PKN2: variants seen among roughly 807,000 people sequenced by gnomAD.
PKN2 encodes the protein protein kinase N2, also known as serine/threonine-protein kinase N2.
A neutral mutation model predicts 119.1 loss-of-function variants in PKN2; 38 were observed. The observed-to-expected ratio is 0.32, with a 90% CI of 0.25 to 0.42. The LOEUF is 0.42. PKN2 is among the 10% of genes least tolerant of loss of function. PKN2 has a pLI of 1.00. For missense variants in PKN2, 850 were observed against 1,165.1 expected (o/e 0.73, Z 3.94); for synonymous variants, 390 against 384.9 (o/e 1.01, Z -0.15).
At chr1:88,720,757 T>G (rs1667645048) in intron 1 of PKN2, among the ~76,000 whole-genome samples, 1 of 152,292 alleles carries the variant, frequency 6.6e-6, no homozygotes, top group South Asian at 2.1e-4. Flanking sequence ...ACCCAGTGTA[T>G]GTCTTCTGTC....
chr1:88,725,800 T>C (rs1416363094), intron 1 of PKN2, among the ~76,000 whole-genome samples: 1 of 152,218 alleles, frequency 6.6e-6, no homozygotes, highest in East Asian at 1.9e-4. Context: ...AACTCTTCAC[T>C]TAACCCCAGG....
intron 1 of PKN2, among the ~76,000 whole-genome samples, chr1:88,689,117 G>A (rs1666231886): frequency 6.6e-6 from 1 of 152,152 alleles, no homozygotes; most frequent in Non-Finnish European, 1.5e-5. Context: ...AGGGTGGTTT[G>A]GGGGTTGGTG....
At chr1:88,821,567 C>T (rs1052140115) in intron 16 of PKN2, among the ~76,000 whole-genome samples, 7 of 152,156 alleles carry the variant, frequency 4.6e-5, no homozygotes, top group South Asian at 2.1e-4. Flanking sequence ...AAACATGTTA[C>T]GCCTTTTGCA....
At chr1:88,697,273 T>C (rs1468683065) in intron 1 of PKN2, among the ~76,000 whole-genome samples, 1 of 152,152 alleles carries the variant, frequency 6.6e-6, no homozygotes, top group Non-Finnish European at 1.5e-5. Context: ...AACTGACATA[T>C]AGGTTATGCT....
chr1:88,762,064 AC>A (rs968636403), intron 3 of PKN2, among the ~76,000 whole-genome samples: 2 of 152,088 alleles, frequency 1.3e-5, no homozygotes, highest in Non-Finnish European at 2.9e-5. Context: ...GGGTTTATGA[AC>A]CCTTTGAAGT....
At chr1:88,694,381 C>G (rs1666448903) in intron 1 of PKN2, among the ~76,000 whole-genome samples, 1 of 152,134 alleles carries the variant, frequency 6.6e-6, no homozygotes, top group Non-Finnish European at 1.5e-5. Context: ...AGTGTGTAGC[C>G]ATTTTACATG....
rs72953672 is a variant in PKN2, at chr1:88,740,869, T to C, written c.49-119T>C. ...GGTCTATTGCTTATTAAGGAGATAATTAAATATAGTTAAATGTAATGTAAT... is the reference window on the plus strand; with the variant it reads ...GGTCTATTGCTTATTAAGGAGATAACTAAATATAGTTAAATGTAATGTAAT... On this transcript the variant is annotated intron_variant, in intron 1 of 21. Coordinates refer to ENST00000370521, the MANE Select transcript of PKN2 (RefSeq NM_006256.4). 2,571 of 565,586 alleles carry C rather than the reference T, an allele frequency of 4.5e-3. 57 individuals are homozygous for C. The African/African-American group carries it at 0.046, about 10-fold the overall frequency. 35.0% of individuals were successfully genotyped at this position (565,586 alleles called of 1,614,324 possible). A position where few individuals can be genotyped will look rare whatever the true frequency, so the allele number is the denominator to read the frequency against.
intron 1 of PKN2, among the ~76,000 whole-genome samples, chr1:88,734,320 C>T (rs944184655): frequency 6.6e-6 from 1 of 152,090 alleles, no homozygotes; most frequent in African/African-American, 2.4e-5. Flanking sequence ...ATATTTTCTT[C>T]TTGTGATTTT....
intron 1 of PKN2, among the ~76,000 whole-genome samples, chr1:88,737,121 C>T (rs757694295): frequency 3.3e-5 from 5 of 152,078 alleles, no homozygotes; most frequent in Middle Eastern, 3.2e-3. Flanking sequence ...GGACGGCCAC[C>T]GTAATGCTAG....
At chr1:88,749,181 T>C (rs1309700069) in intron 2 of PKN2, among the ~76,000 whole-genome samples, 1 of 152,218 alleles carries the variant, frequency 6.6e-6, no homozygotes, top group East Asian at 1.9e-4. Flanking sequence ...TACAGAGTTA[T>C]GTACAGAATG....
chr1:88,693,875 C>T (rs1666423981), intron 1 of PKN2, among the ~76,000 whole-genome samples: 1 of 149,798 alleles, frequency 6.7e-6, no homozygotes, highest in South Asian at 2.1e-4. Context: ...ATTCCCTATC[C>T]TGGGTTTAAA....
chr1:88,720,767 C>G (rs1667645133), intron 1 of PKN2, among the ~76,000 whole-genome samples: 1 of 152,086 alleles, frequency 6.6e-6, no homozygotes, highest in Non-Finnish European at 1.5e-5. Flanking sequence ...TGTCTTCTGT[C>G]CCTCACCCCA....
Position 88,807,521 on chromosome 1 carries a change from C to G in PKN2, c.1935-8C>G, listed in dbSNP as rs965230435. The G allele has an allele frequency of 6.2e-7, 1 of 1,608,874 alleles. No individual in the cohort carries two copies. Among genetic ancestry groups the G allele is most frequent in the African/African-American group, 1.3e-5 (1 of 74,646 alleles). ...TGTCTTATTATTAATTGAAATTTCT[C>G]TTTTCAGATCTCAGCAAAGGTTTCA... On this transcript the variant is annotated splice_region_variant and splice_polypyrimidine_tract_variant and intron_variant, in intron 13 of 21. Coordinates refer to ENST00000370521, the MANE Select transcript of PKN2 (RefSeq NM_006256.4).
At chr1:88,811,629 TA>T (rs1176727148) in intron 15 of PKN2, among the ~76,000 whole-genome samples, 6 of 152,146 alleles carry the variant, frequency 3.9e-5, no homozygotes, top group Non-Finnish European at 7.4e-5. Context: ...CCTATTTTAT[TA>T]AACAGCAATA....
At chr1:88,702,578 G>T (rs1570497462) in intron 1 of PKN2, among the ~76,000 whole-genome samples, 1 of 152,218 alleles carries the variant, frequency 6.6e-6, no homozygotes, top group South Asian at 2.1e-4. Flanking sequence ...AAGATGTAAA[G>T]AATGTAAACA....
At chr1:88,742,769 G>A (rs1202250535) in intron 2 of PKN2, among the ~76,000 whole-genome samples, 4 of 151,944 alleles carry the variant, frequency 2.6e-5, no homozygotes, top group African/African-American at 4.8e-5. Flanking sequence ...AACAGCACTG[G>A]AGCTGTTTAT....
At chr1:88,744,509 C>T (rs968858498) in intron 2 of PKN2, among the ~76,000 whole-genome samples, 2 of 152,216 alleles carry the variant, frequency 1.3e-5, no homozygotes, top group Non-Finnish European at 2.9e-5. Context: ...CAACCTCCGC[C>T]TGCCGGGTTC....
chr1:88,710,570 A>G (rs1667188043), intron 1 of PKN2, among the ~76,000 whole-genome samples: 1 of 152,254 alleles, frequency 6.6e-6, no homozygotes, highest in Non-Finnish European at 1.5e-5. Flanking sequence ...ATCACTGATC[A>G]TTACAGAAAT....
intron 16 of PKN2, among the ~76,000 whole-genome samples, chr1:88,820,560 A>G (rs1017143267): frequency 6.6e-6 from 1 of 151,686 alleles, no homozygotes; most frequent in African/African-American, 2.4e-5. Context: ...AAATAAATAA[A>G]TAAAAATTAT....
Sources: allele counts gnomAD v4.1 joint callset (sites outside exome capture counted in the v4.1 genomes callset), GRCh38; gene constraint gnomAD v4.1.1; transcripts MANE v1.5; gene names NCBI Gene and HGNC (gene_info 2026-07-23, HGNC 2026-07-21).